Variants in PLCZ1 observed in about 807,000 individuals in gnomAD.
PLCZ1 encodes 1-phosphatidylinositol 4,5-bisphosphate phosphodiesterase zeta-1.
Under a neutral mutation model 76.8 loss-of-function variants are expected in PLCZ1, and 64 were observed. The ratio of observed to expected loss-of-function variants is 0.83; its 90% CI spans 0.68 to 1.03. The LOEUF is 1.03. Among genes scored for constraint, PLCZ1 ranks in the 50% least tolerant of loss-of-function variants. PLCZ1 has a pLI of 0.00. For missense variants in PLCZ1, 751 were observed against 713.7 expected (o/e 1.05, Z -0.60); for synonymous variants, 248 against 230.8 (o/e 1.07, Z -0.68).
Position 18,712,889 on chromosome 12 carries a change from G to A in PLCZ1, c.667C>T (p.Leu223Phe), listed in dbSNP as rs769718898. The change falls in exon 6 of 15, where the codon CTT (leucine) becomes TTT (phenylalanine). Residue 223 changes from leucine (L) to phenylalanine (F), a missense_variant. Coordinates refer to ENST00000266505, the MANE Select transcript of PLCZ1 (RefSeq NM_033123.4). Reference sequence around the variant, plus strand: ...GCTTGGATAACAGTTTTAAACAGAAGTTTGCTTGTGAGTGTGTAGCCATGA... The same window carrying A: ...GCTTGGATAACAGTTTTAAACAGAAATTTGCTTGTGAGTGTGTAGCCATGA... ...VYHGYTLTSK[L>F]LFKTVIQAIH... is the part of the protein sequence containing the mutation. 18 of 1,613,930 alleles carry A rather than the reference G, an allele frequency of 1.1e-5. No homozygotes were observed. The highest frequency in any genetic ancestry group is 1.5e-5 in the Non-Finnish European group (18 of 1,179,846).
At chr12:18,713,350 G>A (rs1957568246) in intron 5 of PLCZ1, among the ~76,000 whole-genome samples, 1 of 152,056 alleles carries the variant, frequency 6.6e-6, no homozygotes, top group Non-Finnish European at 1.5e-5. Flanking sequence ...GGCATTTACT[G>A]TTCAATGCCA....
intron 5 of PLCZ1, chr12:18,713,967 T>C (rs1957645541): frequency 6.6e-6 from 1 of 152,236 alleles, no homozygotes; most frequent in Non-Finnish European, 1.5e-5. Flanking sequence ...TTAGCACATA[T>C]GCTTTTATTT....
At chr12:18,684,387 A>G (rs1459289079) in intron 13 of PLCZ1, 108 bp from the exon 14 acceptor site, 6 of 1,060,490 alleles carry the variant, frequency 5.7e-6, no homozygotes, top group Non-Finnish European at 6.9e-6. Flanking sequence ...TAACAATAAT[A>G]TCTTGTGTTT....
intron 3 of PLCZ1, among the ~76,000 whole-genome samples, chr12:18,727,449 T>C (rs1487486572): frequency 1.3e-5 from 2 of 152,112 alleles, no homozygotes; most frequent in African/African-American, 2.4e-5. Context: ...AGAATCTTTA[T>C]AGAAAAAGTG....
chr12:18,694,950 C>T lies in PLCZ1; in HGVS notation c.1421G>A (p.Ser474Asn), dbSNP rs1032753329. The T allele has an allele frequency of 5.6e-6, 9 of 1,603,610 alleles. No individual in the cohort carries two copies. Among genetic ancestry groups the T allele is most frequent in the Non-Finnish European group, 7.7e-6 (9 of 1,171,662 alleles). ...AATTGGCATACCCTCTTTTATGTTA[C>T]TTGGGTTAAAGTATGATTTACTCTC... The part of the protein sequence containing the change: ...LRESKSYFNP[S>N]NIKEGMPITL... Residue 474 changes from serine to asparagine, a missense_variant, in exon 12 of 15, where the codon AGT (serine) becomes AAT (asparagine). Coordinates refer to ENST00000266505, the MANE Select transcript of PLCZ1 (RefSeq NM_033123.4).
chr12:18,701,917 T>A, intron 7 of PLCZ1, 141 bp from the exon 8 acceptor site: 1 of 1,210,524 alleles, frequency 8.3e-7, no homozygotes, highest in Non-Finnish European at 1.1e-6. Flanking sequence ...CCCATACCCC[T>A]ATTCACATCT....
chr12:18,702,242 A>G (rs183612775), intron 7 of PLCZ1, among the ~76,000 whole-genome samples: 1 of 152,140 alleles, frequency 6.6e-6, no homozygotes, highest in East Asian at 1.9e-4. Flanking sequence ...ACTAAATTAA[A>G]GATTCGTAAT....
At chr12:18,674,598 T>C in the PLCZ1 span, among the ~76,000 whole-genome samples, 1 of 152,124 alleles carries the variant, frequency 6.6e-6, no homozygotes, top group Non-Finnish European at 1.5e-5. Context: ...CTTGAGAGAG[T>C]AAACCTACAT....
the PLCZ1 span, among the ~76,000 whole-genome samples, chr12:18,656,932 C>T: frequency 6.6e-6 from 1 of 152,094 alleles, no homozygotes; most frequent in Non-Finnish European, 1.5e-5. Context: ...CTCCTGCTCC[C>T]AGCTCAACTT....
chr12:18,689,441 T>C (rs571846456), intron 12 of PLCZ1, among the ~76,000 whole-genome samples: 2 of 152,312 alleles, frequency 1.3e-5, no homozygotes, highest in South Asian at 4.1e-4. Flanking sequence ...TGAGATTCTT[T>C]TTGCATTTTT....
chr12:18,705,428 T>G, intron 6 of PLCZ1, 113 bp from the exon 7 acceptor site: 3 of 1,311,498 alleles, frequency 2.3e-6, no homozygotes, highest in Non-Finnish European at 3.2e-6. Flanking sequence ...TTAGTACCTT[T>G]GCAAAATAAC....
the PLCZ1 span, among the ~76,000 whole-genome samples, chr12:18,669,601 A>G: frequency 9.2e-5 from 14 of 152,084 alleles, no homozygotes; most frequent in Admixed American, 7.2e-4. Context: ...TGGCTTCCAG[A>G]CAGTTGCCTT....
At chr12:18,724,469 T>C (rs950800299) in intron 3 of PLCZ1, among the ~76,000 whole-genome samples, 3 of 152,114 alleles carry the variant, frequency 2.0e-5, no homozygotes, top group African/African-American at 7.2e-5. Context: ...AAATGCTTTT[T>C]TATAACATCT....
the PLCZ1 span, among the ~76,000 whole-genome samples, chr12:18,650,325 C>CTATATA: frequency 2.3e-4 from 17 of 74,972 alleles, no homozygotes; most frequent in African/African-American, 7.8e-4. Context: ...CTCTCTCTCT[C>CTATATA]TCTCTCTATA....
chr12:18,660,798 A>T, the PLCZ1 span, among the ~76,000 whole-genome samples: 1 of 152,278 alleles, frequency 6.6e-6, no homozygotes, highest in Admixed American at 6.5e-5. Flanking sequence ...TGTCTCATTC[A>T]AAGGAAAAAA....
At chr12:18,700,748 A>G (rs1207302936) in intron 9 of PLCZ1, among the ~76,000 whole-genome samples, 5 of 152,104 alleles carry the variant, frequency 3.3e-5, no homozygotes, top group Admixed American at 3.3e-4. Flanking sequence ...ATGTAGGCCA[A>G]TTAATTAATT....
the PLCZ1 span, among the ~76,000 whole-genome samples, chr12:18,667,038 C>T: frequency 6.6e-6 from 1 of 152,034 alleles, no homozygotes; most frequent in Non-Finnish European, 1.5e-5. Context: ...GGCTATATCA[C>T]CAGACAGAGT....
the PLCZ1 span, among the ~76,000 whole-genome samples, chr12:18,651,050 A>G: frequency 6.6e-6 from 1 of 151,876 alleles, no homozygotes; most frequent in African/African-American, 2.4e-5. Flanking sequence ...CCTTTAAAAT[A>G]ACCTAAAAGG....
At chr12:18,721,882 G>A (rs1958460648) in intron 4 of PLCZ1, among the ~76,000 whole-genome samples, 1 of 151,980 alleles carries the variant, frequency 6.6e-6, no homozygotes, top group Middle Eastern at 3.4e-3. Flanking sequence ...ACAATATCGA[G>A]AACCCTTCAA....
Sources: gnomAD v4.1 joint callset for allele counts (sites outside exome capture counted in the v4.1 genomes callset) on GRCh38, gnomAD v4.1.1 for gene constraint, MANE v1.5 for transcripts, NCBI Gene and HGNC (gene_info 2026-07-23, HGNC 2026-07-21) for gene names.